Variants in RASGEF1C observed in about 807,000 individuals in gnomAD.
The protein encoded by RASGEF1C is RasGEF domain family member 1C, also known as ras-GEF domain-containing family member 1C.
In RASGEF1C, 27 loss-of-function variants were observed where a neutral mutation model predicts 58.1. The observed-to-expected ratio is 0.46, with a 90% CI of 0.34 to 0.64. The LOEUF (loss-of-function observed/expected upper bound fraction) is 0.64. RASGEF1C is among the 30% of genes least tolerant of loss of function. The pLI is 0.01. For synonymous variants in RASGEF1C, 243 were observed against 246.3 expected, an observed-to-expected ratio of 0.99 and a Z score of 0.13; for missense variants, 502 against 605.1, an observed-to-expected ratio of 0.83 and a Z score of 1.79.
At chr5:180,118,958 C>A in intron 8 of RASGEF1C, 92 bp from the exon 9 acceptor site, 1 of 1,203,490 alleles carries the variant, frequency 8.3e-7, no homozygotes, top group South Asian at 1.2e-5. Context: ...CTGACCAGGG[C>A]TGAGGTCTGC....
At chr5:180,189,119 C>T (rs955005610) in intron 1 of RASGEF1C, among the ~76,000 whole-genome samples, 9 of 152,098 alleles carry the variant, frequency 5.9e-5, no homozygotes, top group African/African-American at 1.9e-4. Flanking sequence ...GAGATCAATA[C>T]GTAAGCATCA....
At chr5:180,145,787 A>G (rs1212578260) in intron 1 of RASGEF1C, among the ~76,000 whole-genome samples, 1 of 152,212 alleles carries the variant, frequency 6.6e-6, no homozygotes, top group Non-Finnish European at 1.5e-5. Context: ...GAAGCCCCAC[A>G]GAACTGGAGC....
intron 1 of RASGEF1C, among the ~76,000 whole-genome samples, chr5:180,199,015 T>C (rs1448051064): frequency 6.6e-6 from 1 of 152,030 alleles, no homozygotes; most frequent in African/African-American, 2.4e-5. Flanking sequence ...CAGCACATCC[T>C]GGCAAAGCCT....
At chr5:180,174,737 C>G (rs543132321) in intron 1 of RASGEF1C, among the ~76,000 whole-genome samples, 1 of 152,318 alleles carries the variant, frequency 6.6e-6, no homozygotes, top group South Asian at 2.1e-4. Flanking sequence ...CCACAGCCAG[C>G]ACTCAGACAG....
chr5:180,130,604 C>G (rs1237181668), intron 4 of RASGEF1C, among the ~76,000 whole-genome samples: 3 of 152,238 alleles, frequency 2.0e-5, no homozygotes, highest in Non-Finnish European at 4.4e-5. Context: ...CCTCCTGTCA[C>G]CAAAGCCAGT....
intron 12 of RASGEF1C, among the ~76,000 whole-genome samples, chr5:180,105,121 T>G (rs1337328522): frequency 6.6e-6 from 1 of 152,342 alleles, no homozygotes; most frequent in East Asian, 1.9e-4. Context: ...TTATTTTTCT[T>G]TCTTCAGAAT....
chr5:180,148,207 C>T (rs1383298915), intron 1 of RASGEF1C, among the ~76,000 whole-genome samples: 1 of 152,070 alleles, frequency 6.6e-6, no homozygotes, highest in Non-Finnish European at 1.5e-5. Context: ...CTTTTTCAGT[C>T]CCTTCATGTT....
chr5:180,103,108 C>A (rs189152973), intron 12 of RASGEF1C, among the ~76,000 whole-genome samples: 4 of 152,134 alleles, frequency 2.6e-5, no homozygotes, highest in Admixed American at 6.5e-5. Context: ...ACAGAAGTCT[C>A]GCTCTGTCGC....
intron 1 of RASGEF1C, among the ~76,000 whole-genome samples, chr5:180,174,484 G>GCA (rs1767179294): frequency 8.4e-6 from 1 of 118,756 alleles, no homozygotes; most frequent in African/African-American, 3.2e-5. Context: ...GTGTGTCTGT[G>GCA]TGTGCGCGTG....
At chr5:180,133,322 C>T (rs935936238) in intron 4 of RASGEF1C, among the ~76,000 whole-genome samples, 1 of 152,186 alleles carries the variant, frequency 6.6e-6, no homozygotes, top group Non-Finnish European at 1.5e-5. Flanking sequence ...GTGTGGAGCA[C>T]AGCGACGACA....
At chr5:180,111,377 C>A in intron 12 of RASGEF1C, 80 bp downstream of exon 12, 2 of 1,591,178 alleles carry the variant, frequency 1.3e-6, no homozygotes, top group South Asian at 1.1e-5. Flanking sequence ...CTACTCAGAG[C>A]AGGGGTCCTG....
intron 1 of RASGEF1C, among the ~76,000 whole-genome samples, chr5:180,175,616 TC>T (rs1767212195): frequency 6.6e-6 from 1 of 152,176 alleles, no homozygotes; most frequent in African/African-American, 2.4e-5. Flanking sequence ...CATGCTCATG[TC>T]CCCCGCATCA....
At chr5:180,154,032 T>A (rs1044571678) in intron 1 of RASGEF1C, among the ~76,000 whole-genome samples, 1 of 152,188 alleles carries the variant, frequency 6.6e-6, no homozygotes, top group African/African-American at 2.4e-5. Flanking sequence ...TCTCCTGCCA[T>A]GAGAGAGAAC....
chr5:180,171,493 GTGCTGAAATAAC>G (rs1767107838), intron 1 of RASGEF1C, among the ~76,000 whole-genome samples: 1 of 152,126 alleles, frequency 6.6e-6, no homozygotes, highest in Non-Finnish European at 1.5e-5. Flanking sequence ...GCCGAGGGAC[GTGCTGAAATAAC>G]TGTCACACGT....
At chr5:180,134,451 G>A (rs1165800372) in intron 4 of RASGEF1C, among the ~76,000 whole-genome samples, 1 of 151,398 alleles carries the variant, frequency 6.6e-6, no homozygotes, top group African/African-American at 2.4e-5. Flanking sequence ...CTGGTCATAG[G>A]ACAGACCTCA....
Position 180,140,351 on chromosome 5 carries a change from G to A in RASGEF1C, c.-6-2293C>T, listed in dbSNP as rs368256696. Among the ~76,000 whole-genome samples, 30 of 152,308 alleles carry A rather than the reference G, an allele frequency of 2.0e-4. No individual in the cohort carries two copies. The South Asian group carries it at 6.0e-3, about 31-fold the overall frequency. On this transcript the variant is annotated intron_variant, in intron 1 of 13. Coordinates refer to ENST00000361132, the MANE Select transcript of RASGEF1C (RefSeq NM_175062.4). ...CCGCAGCCTTCAGTTTTTTCCTGTGGTTGCCAAGGGTCATCCATTCATGCG... is the reference window on the plus strand; with the variant it reads ...CCGCAGCCTTCAGTTTTTTCCTGTGATTGCCAAGGGTCATCCATTCATGCG...
rs750047880 is a variant in RASGEF1C at position 180,137,582 on chromosome 5, C to T, written c.300+8G>A. On this transcript the variant is annotated splice_region_variant and intron_variant, in intron 3 of 13. Coordinates refer to ENST00000361132, the MANE Select transcript of RASGEF1C (RefSeq NM_175062.4). This position sits in a 1 kb window ranked among gnomAD's most constrained non-coding sequence, Gnocchi z 4.1. ...CTCTGAGACCCCCTGGCCTGCCCTC[C>T]GCCTCACCTTGTCCAGCACCGGCTT... 1.7e-5 allele frequency: 27 copies of T among 1,608,812 alleles called. No homozygotes were observed. The highest frequency in any genetic ancestry group is 2.7e-5 in the African/African-American group (2 of 74,800).
At chr5:180,117,291 G>A (rs2113250525) in intron 10 of RASGEF1C, among the ~76,000 whole-genome samples, 1 of 152,350 alleles carries the variant, frequency 6.6e-6, no homozygotes, top group Non-Finnish European at 1.5e-5. Flanking sequence ...TTGGGTGGAG[G>A]GCCAAGAAGG....
At chr5:180,188,205 T>C (rs1756074961) in intron 1 of RASGEF1C, among the ~76,000 whole-genome samples, 1 of 152,184 alleles carries the variant, frequency 6.6e-6, no homozygotes, top group African/African-American at 2.4e-5. Flanking sequence ...AGAAAGATTA[T>C]GTTATGTGAA....
Sources: allele counts gnomAD v4.1 joint callset (sites outside exome capture counted in the v4.1 genomes callset), GRCh38; gene constraint gnomAD v4.1.1; non-coding constraint Gnocchi (gnomAD v3.1); transcripts MANE v1.5; gene names NCBI Gene and HGNC (gene_info 2026-07-23, HGNC 2026-07-21).